The following MSRA variants were observed in gnomAD, a reference collection of about 807,000 sequenced individuals.
MSRA encodes methionine sulfoxide reductase A.
Under a neutral mutation model 31.3 loss-of-function variants are expected in MSRA, and 54 were observed. The observed-to-expected ratio is 1.73, with a 90% CI of 1.39 to 2.17. The LOEUF (loss-of-function observed/expected upper bound fraction) is 2.17. MSRA is among the 30% of genes most tolerant of loss of function. The pLI, the probability that MSRA is intolerant of heterozygous loss-of-function variation, is 0.00. For missense variants in MSRA, 507 were observed against 300.9 expected, an observed-to-expected ratio of 1.69 and a Z score of -5.07; for synonymous variants, 169 against 116.5, an observed-to-expected ratio of 1.45 and a Z score of -2.90.
chr8:10,264,015 G>C (rs1210427516), intron 3 of MSRA, among the ~76,000 whole-genome samples: 1 of 152,114 alleles, frequency 6.6e-6, no homozygotes, highest in African/African-American at 2.4e-5. Context: ...ACAGGCTTCA[G>C]ATCTGTGTGT....
At chr8:10,252,793 A>C (rs1797986043) in intron 3 of MSRA, among the ~76,000 whole-genome samples, 1 of 152,230 alleles carries the variant, frequency 6.6e-6, no homozygotes, top group Admixed American at 6.5e-5. Context: ...ATGGCATTGC[A>C]ATAAGTAAAA....
intron 3 of MSRA, among the ~76,000 whole-genome samples, chr8:10,266,180 G>A (rs1585314323): frequency 6.6e-6 from 1 of 152,170 alleles, no homozygotes; most frequent in East Asian, 1.9e-4. Context: ...ACTGTTTTCT[G>A]GAGTAGTTGT....
chr8:10,383,691 C>G (rs969869616), intron 5 of MSRA, among the ~76,000 whole-genome samples: 2 of 152,094 alleles, frequency 1.3e-5, no homozygotes, highest in African/African-American at 2.4e-5. Context: ...TTCTGCCTAC[C>G]CCAAATCGGA....
rs187821179 is a variant in MSRA at position 10,216,416 on chromosome 8, C to G, written c.211+8515C>G. Among the ~76,000 whole-genome samples the G allele has an allele frequency of 3.4e-5, 5 of 148,588 alleles. 1 individual carries two copies. Among genetic ancestry groups the G allele is most frequent in the Admixed American group, 6.7e-5 (1 of 15,004 alleles). On this transcript the variant is annotated intron_variant, in intron 2 of 5. Coordinates refer to ENST00000317173, the MANE Select transcript of MSRA (RefSeq NM_012331.5). ...CTTCATTTTTAAAAAATTGTGGTAA[C>G]AGATACATAATATGAAATTTATCAT...
At chr8:10,319,044 C>T (rs879891467) in intron 4 of MSRA, among the ~76,000 whole-genome samples, 2 of 152,194 alleles carry the variant, frequency 1.3e-5, no homozygotes, top group Non-Finnish European at 2.9e-5. Flanking sequence ...CCACTGATCA[C>T]GTGAACTTAC....
intron 5 of MSRA, among the ~76,000 whole-genome samples, chr8:10,355,682 G>A (rs554361901): frequency 6.6e-6 from 1 of 152,294 alleles, no homozygotes; most frequent in Admixed American, 6.5e-5. Context: ...TGGCTGCTGG[G>A]ATCCTAGTAG....
chr8:10,227,550 C>A (rs1024865532), intron 2 of MSRA, among the ~76,000 whole-genome samples: 1 of 152,140 alleles, frequency 6.6e-6, no homozygotes, highest in Non-Finnish European at 1.5e-5. Context: ...TAAATACATA[C>A]CTGGTACTCT....
chr8:10,391,195 T>C (rs1806722852), intron 5 of MSRA, among the ~76,000 whole-genome samples: 1 of 152,204 alleles, frequency 6.6e-6, no homozygotes, highest in East Asian at 1.9e-4. Context: ...TCCCCTTAAA[T>C]CTTTAAGTCA....
intron 5 of MSRA, among the ~76,000 whole-genome samples, chr8:10,419,325 C>T (rs1027443512): frequency 2.6e-5 from 4 of 151,694 alleles, no homozygotes; most frequent in East Asian, 1.9e-4. Flanking sequence ...ATTCTTGTCC[C>T]GGACCTACCC....
intron 1 of MSRA, among the ~76,000 whole-genome samples, chr8:10,154,560 G>A (rs1803990652): frequency 6.6e-6 from 1 of 151,990 alleles, no homozygotes; most frequent in Admixed American, 6.5e-5. Flanking sequence ...TGTATTTTTA[G>A]TAGAGACAGG....
chr8:10,096,040 G>T (rs562046766), intron 1 of MSRA: 6 of 1,443,308 alleles, frequency 4.2e-6, no homozygotes, highest in Non-Finnish European at 5.5e-6. Flanking sequence ...AATGTGTTCA[G>T]AACGTAAGTT....
chr8:10,097,850 A>G (rs1431075824), intron 1 of MSRA, among the ~76,000 whole-genome samples: 1 of 152,182 alleles, frequency 6.6e-6, no homozygotes, highest in Non-Finnish European at 1.5e-5. Flanking sequence ...TGGTAAAACT[A>G]CATTTTACAG....
chr8:10,185,726 G>A (rs893608608), intron 1 of MSRA, among the ~76,000 whole-genome samples: 1 of 152,174 alleles, frequency 6.6e-6, no homozygotes, highest in African/African-American at 2.4e-5. Context: ...TCCTGGATGA[G>A]GCCTGAACTG....
At chr8:10,342,292 A>G (rs975956537) in intron 5 of MSRA, among the ~76,000 whole-genome samples, 1 of 152,086 alleles carries the variant, frequency 6.6e-6, no homozygotes, top group African/African-American at 2.4e-5. Context: ...TTTGTTTGAT[A>G]TTTACCAGAT....
intron 1 of MSRA, among the ~76,000 whole-genome samples, chr8:10,154,525 C>G (rs1008671679): frequency 2.6e-5 from 4 of 152,010 alleles, no homozygotes; most frequent in African/African-American, 4.8e-5. Flanking sequence ...CTACAGGCAC[C>G]CGCCACCACG....
intron 1 of MSRA, among the ~76,000 whole-genome samples, chr8:10,198,345 C>T (rs1017801143): frequency 1.3e-5 from 2 of 151,710 alleles, no homozygotes; most frequent in African/African-American, 4.8e-5. Context: ...ACTTTTTCCC[C>T]ACTCAACTCC....
chr8:10,099,938 GGAGTGCCCAGT>G (rs1176431680), intron 1 of MSRA, among the ~76,000 whole-genome samples: 1 of 152,186 alleles, frequency 6.6e-6, no homozygotes, highest in East Asian at 1.9e-4. Context: ...GCAGGCCAGT[GGAGTGCCCAGT>G]GAGTTTAAAG....
chr8:10,060,050 G>C, intron 1 of MSRA, among the ~76,000 whole-genome samples: 1 of 150,758 alleles, frequency 6.6e-6, no homozygotes. Context: ...AGGCAATTTG[G>C]TTGTATCTAT....
chr8:10,184,313 C>T (rs1806829184), intron 1 of MSRA, among the ~76,000 whole-genome samples: 1 of 151,866 alleles, frequency 6.6e-6, no homozygotes, highest in Non-Finnish European at 1.5e-5. Context: ...AAATAATCCC[C>T]ACTCTTACCC....
Sources: gnomAD v4.1 joint callset for allele counts (sites outside exome capture counted in the v4.1 genomes callset) on GRCh38, gnomAD v4.1.1 for gene constraint, MANE v1.5 for transcripts, NCBI Gene and HGNC (gene_info 2026-07-23, HGNC 2026-07-21) for gene names.